Variants in FANK1 observed in about 807,000 individuals in gnomAD.
FANK1 encodes the protein fibronectin type 3 and ankyrin repeat domains protein 1.
In FANK1, 44 loss-of-function variants were observed where a neutral mutation model predicts 45.3. The ratio of observed to expected loss-of-function variants is 0.97; its 90% CI spans 0.76 to 1.25. The LOEUF is 1.25. Ranked by LOEUF, FANK1 falls within the 50% of genes most tolerant of loss-of-function variation. FANK1 has a pLI of 0.00. For missense variants in FANK1, 391 were observed against 424.4 expected (o/e 0.92, Z 0.69); for synonymous variants, 149 against 152.5 (o/e 0.98, Z 0.17).
At chr10:125,953,615 G>C (rs1000087434) in intron 1 of FANK1, among the ~76,000 whole-genome samples, 4 of 152,206 alleles carry the variant, frequency 2.6e-5, no homozygotes, top group Admixed American at 6.5e-5. Context: ...TGAAAGCCCT[G>C]AGATTTCCTC....
intron 1 of FANK1, among the ~76,000 whole-genome samples, chr10:125,943,798 T>C (rs978824196): frequency 6.6e-6 from 1 of 152,196 alleles, no homozygotes; most frequent in African/African-American, 2.4e-5. Flanking sequence ...AAATACTACA[T>C]GTAATGTAAA....
chr10:125,905,149 A>C (rs1193705862), intron 1 of FANK1, among the ~76,000 whole-genome samples: 2 of 26,064 alleles, frequency 7.7e-5, no homozygotes, highest in Non-Finnish European at 1.7e-4. Flanking sequence ...AAAAAAAAAA[A>C]ACAAAAAAAA....
chr10:125,909,284 G>A (rs111981048), intron 1 of FANK1, among the ~76,000 whole-genome samples: 96 of 152,080 alleles, frequency 6.3e-4, no homozygotes, highest in Non-Finnish European at 1.1e-3. Context: ...CCTGGATAGC[G>A]GAAGTGAAAA....
intron 2 of FANK1, among the ~76,000 whole-genome samples, chr10:125,982,686 C>T (rs1461986733): frequency 2.6e-5 from 4 of 152,230 alleles, no homozygotes; most frequent in African/African-American, 4.8e-5. Flanking sequence ...CATCAGTCAT[C>T]AGTCTATCTG....
intron 1 of FANK1, among the ~76,000 whole-genome samples, chr10:125,958,079 TA>T (rs1949694133): frequency 6.6e-6 from 1 of 152,140 alleles, no homozygotes; most frequent in Non-Finnish European, 1.5e-5. Flanking sequence ...TCTTTCTAGC[TA>T]TTTGAAACTA....
At chr10:125,951,335 T>C (rs1234997387) in intron 1 of FANK1, among the ~76,000 whole-genome samples, 2 of 152,138 alleles carry the variant, frequency 1.3e-5, no homozygotes, top group African/African-American at 4.8e-5. Context: ...ATAATACCTG[T>C]TTAGGAAACA....
At chr10:125,899,599 A>T (rs1003084272) in intron 1 of FANK1, among the ~76,000 whole-genome samples, 1 of 152,212 alleles carries the variant, frequency 6.6e-6, no homozygotes, top group African/African-American at 2.4e-5. Context: ...GACAAGATTA[A>T]ATGATCTTTG....
chr10:125,943,579 A>G (rs1948588983), intron 1 of FANK1, among the ~76,000 whole-genome samples: 2 of 152,192 alleles, frequency 1.3e-5, no homozygotes, highest in Non-Finnish European at 2.9e-5. Flanking sequence ...TATACATAGA[A>G]TTATACAATA....
At chr10:125,996,764 G>A in intron 5 of FANK1, 140 bp downstream of exon 5, 2 of 660,210 alleles carry the variant, frequency 3.0e-6, no homozygotes, top group Non-Finnish European at 5.1e-6. Context: ...CGTACCATAT[G>A]ATGGCTTAGA....
At chr10:125,995,036 A>G in intron 3 of FANK1, 1 of 795,558 alleles carries the variant, frequency 1.3e-6, no homozygotes. Flanking sequence ...TTTTTTTCCA[A>G]GTAGTTTAAC....
intron 1 of FANK1, among the ~76,000 whole-genome samples, chr10:125,915,474 G>A (rs1301477714): frequency 6.6e-6 from 1 of 152,114 alleles, no homozygotes; most frequent in Non-Finnish European, 1.5e-5. Context: ...TGCGTTATCT[G>A]TTCTTTTCAA....
At chr10:125,923,037 CT>C (rs1232317850) in intron 1 of FANK1, among the ~76,000 whole-genome samples, 1 of 151,702 alleles carries the variant, frequency 6.6e-6, no homozygotes, top group African/African-American at 2.4e-5. Flanking sequence ...TTTCATGGAA[CT>C]TTTTGGTGAA....
intron 1 of FANK1, among the ~76,000 whole-genome samples, chr10:125,917,520 T>C (rs1471616157): frequency 1.3e-5 from 2 of 152,232 alleles, no homozygotes; most frequent in African/African-American, 4.8e-5. Flanking sequence ...GAACCTAATA[T>C]ATAAAGACAT....
intron 1 of FANK1, among the ~76,000 whole-genome samples, chr10:125,938,162 A>G (rs1948220647): frequency 6.6e-6 from 1 of 152,240 alleles, no homozygotes; most frequent in African/African-American, 2.4e-5. Context: ...GGATTGAACA[A>G]TTGAGAAACT....
In FANK1 at chr10:125,990,918, C is replaced by CT. The variant is rs1190128954; in HGVS notation, c.316+2246dup. On this transcript the variant is annotated intron_variant, in intron 3 of 10. Coordinates refer to ENST00000368693, the MANE Select transcript of FANK1 (RefSeq NM_145235.5). ...AGAGAGCATGTGCAGGGGAATTTCC[C>CT]TTTATAAAACCATCAGATCTTATGA... is the stretch of plus-strand genomic sequence containing the variant. 2.6e-5 allele frequency among the ~76,000 whole-genome samples: 4 copies of CT among 152,174 alleles called. No individual in the cohort carries two copies. In the East Asian group the frequency reaches 7.7e-4, roughly 29 times the overall value.
chr10:125,918,609 G>T (rs201494003), intron 1 of FANK1, among the ~76,000 whole-genome samples: 6 of 75,846 alleles, frequency 7.9e-5, no homozygotes, highest in African/African-American at 3.0e-4. Context: ...TATATATATA[G>T]TTATATATAC....
At chr10:125,943,931 T>G (rs888239196) in intron 1 of FANK1, among the ~76,000 whole-genome samples, 5 of 152,266 alleles carry the variant, frequency 3.3e-5, no homozygotes, top group African/African-American at 1.2e-4. Flanking sequence ...AGAATATATT[T>G]TAAGTACTTA....
chr10:125,966,616 G>A (rs370134024), intron 1 of FANK1, among the ~76,000 whole-genome samples: 16 of 152,168 alleles, frequency 1.1e-4, no homozygotes, highest in African/African-American at 3.1e-4. Context: ...TAAATGTCAA[G>A]CAGGATATCT....
At chr10:125,989,547 T>A (rs898909509) in intron 3 of FANK1, 1 of 729,688 alleles carries the variant, frequency 1.4e-6, no homozygotes, top group Admixed American at 2.0e-5. Context: ...TTAACTCAGC[T>A]TTTGAGCTGT....
Sources: gnomAD v4.1 joint callset for allele counts (sites outside exome capture counted in the v4.1 genomes callset) on GRCh38, gnomAD v4.1.1 for gene constraint, MANE v1.5 for transcripts, NCBI Gene and HGNC (gene_info 2026-07-23, HGNC 2026-07-21) for gene names.